Variants in RPS6KB1 observed in about 807,000 individuals in gnomAD.
RPS6KB1 encodes the protein ribosomal protein S6 kinase B1.
Under a neutral mutation model 70.2 loss-of-function variants are expected in RPS6KB1, and 12 were observed. The ratio of observed to expected loss-of-function variants is 0.17; its 90% confidence interval spans 0.11 to 0.28. The LOEUF is 0.28. RPS6KB1 is among the 10% of genes least tolerant of loss of function. RPS6KB1 has a pLI of 1.00. For synonymous variants in RPS6KB1, 175 were observed against 211.2 expected (o/e 0.83, Z 1.49); for missense variants, 270 against 646.6 (o/e 0.42, Z 6.32).
At position 59,947,154 on chromosome 17, in the gene RPS6KB1, T is replaced by A; in HGVS notation, c.*366T>A. 1 of 1,060,904 alleles carries A rather than the reference T, an allele frequency of 9.4e-7. No homozygotes were observed. The highest frequency in any genetic ancestry group is 6.9e-5 in the East Asian group (1 of 14,520). 65.7% of individuals were successfully genotyped at this position (1,060,904 alleles called of 1,614,324 possible). On this transcript the variant is annotated 3_prime_UTR_variant, in exon 15 of 15. Transcript: ENST00000225577. ...TGTTGAAGAAGGGTTATCCTTTCAT[T>A]AGGCAAAGTACAAAATTGCCTATAA...
intron 1 of RPS6KB1, among the ~76,000 whole-genome samples, chr17:59,896,194 A>ATT (rs938748976): frequency 1.3e-5 from 2 of 149,962 alleles, no homozygotes; most frequent in African/African-American, 4.9e-5. Context: ...ATTTTATTTT[A>ATT]TTTTTTTTTC....
intron 4 of RPS6KB1, 102 bp from the exon 5 acceptor site, chr17:59,926,333 C>G: frequency 4.6e-6 from 4 of 877,224 alleles, no homozygotes; most frequent in East Asian, 2.7e-5. Context: ...GTTAATAGTT[C>G]AATATTGGCA....
At chr17:59,896,511 T>C (rs2041576600) in intron 1 of RPS6KB1, among the ~76,000 whole-genome samples, 1 of 152,144 alleles carries the variant, frequency 6.6e-6, no homozygotes, top group South Asian at 2.1e-4. Context: ...GAAAGTACAG[T>C]ACTCTGTTAA....
chr17:59,918,251 T>C (rs1189473395), intron 4 of RPS6KB1, among the ~76,000 whole-genome samples: 1 of 152,180 alleles, frequency 6.6e-6, no homozygotes, highest in African/African-American at 2.4e-5. Flanking sequence ...AATTTTTTTT[T>C]AAAGCTGTTG....
chr17:59,932,550 C>CTTTTT (rs11390348), intron 7 of RPS6KB1, among the ~76,000 whole-genome samples: 2 of 130,274 alleles, frequency 1.5e-5, no homozygotes, highest in South Asian at 2.4e-4. Flanking sequence ...CATCAGGTTA[C>CTTTTT]TTTTTTTTTT....
At chr17:59,930,786 T>C (rs1156494141) in intron 6 of RPS6KB1, 1 of 152,270 alleles carries the variant, frequency 6.6e-6, no homozygotes, top group Non-Finnish European at 1.5e-5. Context: ...CTGCATTCCA[T>C]TGTTTAATTT....
intron 1 of RPS6KB1, among the ~76,000 whole-genome samples, chr17:59,897,287 G>T (rs1307034345): frequency 4.6e-5 from 7 of 152,186 alleles, no homozygotes; most frequent in Non-Finnish European, 7.3e-5. Flanking sequence ...TCTATAACAT[G>T]AGGGTTACAT....
intron 1 of RPS6KB1, among the ~76,000 whole-genome samples, chr17:59,896,004 T>C (rs551850301): frequency 6.6e-6 from 1 of 152,296 alleles, no homozygotes; most frequent in African/African-American, 2.4e-5. Flanking sequence ...AATGGTACAC[T>C]AGTTACAATT....
intron 7 of RPS6KB1, among the ~76,000 whole-genome samples, chr17:59,932,723 TG>T (rs777915998): frequency 5.3e-5 from 8 of 152,008 alleles, no homozygotes; most frequent in Non-Finnish European, 1.2e-4. Context: ...GACTAATTTT[TG>T]GTATTTTTTG....
In RPS6KB1 at chr17:59,893,864, A is replaced by C. The variant is rs1049669835; in HGVS notation, c.141+539A>C. On this transcript the variant is annotated intron_variant, in intron 1 of 14. Coordinates refer to ENST00000225577, the MANE Select transcript of RPS6KB1 (RefSeq NM_003161.4). The surrounding 1 kb of genome is among the most constrained non-coding windows in gnomAD (Gnocchi z 4.1). ...GGAGTAGCACTGCCGCTGCTGTTAC[A>C]GCCACCAGGAGTTTTATTTCGGGAG... 2 of 985,048 alleles carry C rather than the reference A, an allele frequency of 2.0e-6. No individual in the cohort carries two copies. The highest frequency in any genetic ancestry group is 3.5e-5 in the African/African-American group (2 of 57,072). The allele number at this position is 985,048 out of a possible 1,614,324, so 61.0% of individuals were successfully genotyped here.
intron 3 of RPS6KB1, among the ~76,000 whole-genome samples, chr17:59,913,583 A>G (rs1275372910): frequency 1.3e-5 from 2 of 152,208 alleles, no homozygotes; most frequent in African/African-American, 2.4e-5. Context: ...GTAAGGGAGA[A>G]CTGATTCCAA....
Position 59,923,916 on chromosome 17 carries a change from T to C in RPS6KB1, c.382-2519T>C, listed in dbSNP as rs1055890843. On this transcript the variant is annotated intron_variant, in intron 4 of 14. Coordinates refer to ENST00000225577, the MANE Select transcript of RPS6KB1 (RefSeq NM_003161.4). The stretch of plus-strand genomic sequence containing the variant: ...GTTCAGTTGTACAATATGTGCATAA[T>C]GAAAATTGTAATACCAATAGTATTT... Among the ~76,000 whole-genome samples the C allele has an allele frequency of 2.6e-5, 4 of 152,332 alleles. No individual in the cohort carries two copies. In the East Asian group the frequency reaches 5.8e-4, roughly 22 times the overall value.
intron 10 of RPS6KB1, 71 bp from the exon 11 acceptor site, chr17:59,936,144 C>T: frequency 7.4e-7 from 1 of 1,355,696 alleles, no homozygotes; most frequent in Non-Finnish European, 1.0e-6. Context: ...TAGACAAGCA[C>T]AGTCTAAAAA....
intron 1 of RPS6KB1, among the ~76,000 whole-genome samples, chr17:59,904,979 G>A (rs190316553): frequency 1.8e-4 from 27 of 152,096 alleles, no homozygotes; most frequent in Non-Finnish European, 1.0e-4. Flanking sequence ...ACAGGCCTGA[G>A]CGACTGCGCC....
At chr17:59,932,992 T>A (rs117975591) in intron 7 of RPS6KB1, among the ~76,000 whole-genome samples, 9 of 152,302 alleles carry the variant, frequency 5.9e-5, no homozygotes, top group Non-Finnish European at 1.2e-4. Flanking sequence ...CAATTTATGC[T>A]AATCTGGGCT....
At chr17:59,945,328 A>G in intron 13 of RPS6KB1, 78 bp from the exon 14 acceptor site, 1 of 728,964 alleles carries the variant, frequency 1.4e-6, no homozygotes, top group South Asian at 1.6e-5. Context: ...TTGTGTAGGT[A>G]TGTCAGACTG....
chr17:59,926,662 A>G (rs779412043), intron 5 of RPS6KB1, 80 bp downstream of exon 5: 3 of 1,184,120 alleles, frequency 2.5e-6, no homozygotes, highest in Non-Finnish European at 3.6e-6. Flanking sequence ...ATGGAAGAAT[A>G]CTTTTTCCCA....
rs116505133 is a variant in RPS6KB1 at position 59,920,978 on chromosome 17, G to A, written c.382-5457G>A. Among the ~76,000 whole-genome samples the A allele has an allele frequency of 1.7e-3, 252 of 152,262 alleles. 2 individuals are homozygous for A. The highest frequency in any genetic ancestry group is 5.8e-3 in the African/African-American group (240 of 41,554). ...CCCCTAAAGTGCTGGAATTATGGGC[G>A]TGAGCCACTGCGCCCAGCCTCTGGT... On this transcript the variant is annotated intron_variant, in intron 4 of 14. Coordinates refer to ENST00000225577, the MANE Select transcript of RPS6KB1 (RefSeq NM_003161.4).
intron 1 of RPS6KB1, among the ~76,000 whole-genome samples, chr17:59,904,042 A>G (rs2042116485): frequency 6.9e-6 from 1 of 144,296 alleles, no homozygotes; most frequent in African/African-American, 2.6e-5. Flanking sequence ...CGCCTGGCCT[A>G]TTTATCTTTT....
Sources: gnomAD v4.1 joint callset for allele counts (sites outside exome capture counted in the v4.1 genomes callset) on GRCh38, gnomAD v4.1.1 for gene constraint, Gnocchi (gnomAD v3.1) non-coding constraint, MANE v1.5 for transcripts, NCBI Gene and HGNC (gene_info 2026-07-23, HGNC 2026-07-21) for gene names.